The following NCAM1 variants were observed in gnomAD, a reference collection of about 807,000 sequenced individuals.
The protein encoded by NCAM1 is neural cell adhesion molecule 1, also known as antigen recognized by monoclonal antibody 5.1H11.
NCAM1 carries 14 observed loss-of-function variants against 109.8 expected under a neutral mutation model. That is an observed-to-expected ratio of 0.13 (90% confidence interval 0.08 to 0.20). The LOEUF is 0.20. Among genes scored for constraint, NCAM1 ranks in the 10% least tolerant of loss-of-function variants. The pLI is 1.00. For missense variants in NCAM1, 774 were observed against 1,109.9 expected (o/e 0.70, Z 4.30); for synonymous variants, 418 against 442.9 (o/e 0.94, Z 0.70).
intron 1 of NCAM1, among the ~76,000 whole-genome samples, chr11:113,052,647 G>A (rs1440031565): frequency 5.3e-5 from 8 of 152,126 alleles, no homozygotes; most frequent in African/African-American, 1.7e-4. Flanking sequence ...CTTTCTCCAA[G>A]TGTAAAAAAA....
At chr11:113,248,134 C>T (rs12794326) in intron 15 of NCAM1, among the ~76,000 whole-genome samples, 72,542 of 151,134 alleles carry the variant, frequency 0.48, 18,513 homozygotes, top group South Asian at 0.62. Flanking sequence ...CATTTTAAGC[C>T]AGGGCAAGAA....
intron 1 of NCAM1, among the ~76,000 whole-genome samples, chr11:113,159,766 T>G (rs1942537004): frequency 1.3e-5 from 2 of 151,994 alleles, no homozygotes; most frequent in South Asian, 2.1e-4. Flanking sequence ...GCAGGTTAGT[T>G]ACATATGTAT....
chr11:113,077,433 C>T (rs782719175), intron 1 of NCAM1, among the ~76,000 whole-genome samples: 3 of 152,164 alleles, frequency 2.0e-5, no homozygotes, highest in Admixed American at 6.5e-5. Flanking sequence ...TAACTGTATA[C>T]GCTTCTTCTC....
At chr11:113,212,985 G>C (rs1464875922) in intron 7 of NCAM1, among the ~76,000 whole-genome samples, 1 of 152,174 alleles carries the variant, frequency 6.6e-6, no homozygotes. Flanking sequence ...TGCTAAACAG[G>C]CTGTCAGTAT....
intron 1 of NCAM1, among the ~76,000 whole-genome samples, chr11:112,973,572 G>T (rs1020142791): frequency 3.3e-5 from 5 of 152,184 alleles, no homozygotes; most frequent in African/African-American, 1.2e-4. Flanking sequence ...TGCTTTTCAT[G>T]ACCTTGAGCC....
At chr11:113,182,776 G>A (rs903230718) in intron 1 of NCAM1, among the ~76,000 whole-genome samples, 12 of 152,202 alleles carry the variant, frequency 7.9e-5, no homozygotes, top group South Asian at 6.2e-4. Context: ...GGGGAGCGGG[G>A]CTGCAAGAGG....
Position 112,967,053 on chromosome 11 carries a change from A to G in NCAM1, c.52+5389A>G, listed in dbSNP as rs191260183. On this transcript the variant is annotated intron_variant, in intron 1 of 19. Coordinates refer to ENST00000316851, the MANE Select transcript of NCAM1 (RefSeq NM_181351.5). ...ACACTTTCTTGAATTCAAAGATTGCATGGCTGATATGATTTAAAAGGCTTC... is the reference window on the plus strand; with the variant it reads ...ACACTTTCTTGAATTCAAAGATTGCGTGGCTGATATGATTTAAAAGGCTTC... Among the ~76,000 whole-genome samples, 109 of 152,342 alleles carry G rather than the reference A, an allele frequency of 7.2e-4. 2 individuals carry two copies. The highest frequency in any genetic ancestry group is 2.6e-3 in the African/African-American group (106 of 41,568).
At chr11:113,018,023 T>C (rs1452811360) in intron 1 of NCAM1, among the ~76,000 whole-genome samples, 1 of 152,164 alleles carries the variant, frequency 6.6e-6, no homozygotes, top group African/African-American at 2.4e-5. Flanking sequence ...CCAACTGTAG[T>C]TGGAGTAAGT....
At chr11:113,093,689 C>T (rs1309417168) in intron 1 of NCAM1, among the ~76,000 whole-genome samples, 4 of 152,186 alleles carry the variant, frequency 2.6e-5, no homozygotes, top group Non-Finnish European at 5.9e-5. Flanking sequence ...TCAGTATCTA[C>T]CAACACAATC....
chr11:113,182,661 G>A (rs1033347256), intron 1 of NCAM1, among the ~76,000 whole-genome samples: 10 of 152,168 alleles, frequency 6.6e-5, no homozygotes, highest in Non-Finnish European at 4.4e-5. Context: ...AGTGGCAGCA[G>A]AATCCCCCCA....
chr11:113,118,222 C>T (rs1471706277), intron 1 of NCAM1, among the ~76,000 whole-genome samples: 1 of 151,578 alleles, frequency 6.6e-6, no homozygotes, highest in African/African-American at 2.4e-5. Context: ...TCTTTTTACT[C>T]TTTTGTGCTC....
intron 14 of NCAM1, chr11:113,246,052 G>A (rs1049474885): frequency 2.1e-5 from 9 of 433,000 alleles, no homozygotes; most frequent in Non-Finnish European, 2.9e-5. Context: ...TGTTGCAGCC[G>A]TAGCTAATGC....
intron 1 of NCAM1, among the ~76,000 whole-genome samples, chr11:113,037,558 A>G (rs1952932790): frequency 6.6e-6 from 1 of 152,160 alleles, no homozygotes; most frequent in Admixed American, 6.5e-5. Context: ...AGGGTCTGTT[A>G]TATAGGAGTT....
chr11:113,073,974 T>A (rs1182408825), intron 1 of NCAM1, among the ~76,000 whole-genome samples: 7 of 152,194 alleles, frequency 4.6e-5, no homozygotes, highest in Admixed American at 3.3e-4. Context: ...TGAGTGGGAG[T>A]TGATTTCTGC....
intron 16 of NCAM1, among the ~76,000 whole-genome samples, chr11:113,258,971 G>A (rs894952036): frequency 6.6e-6 from 1 of 151,990 alleles, no homozygotes; most frequent in Non-Finnish European, 1.5e-5. Context: ...CAGGCATGTT[G>A]TAGGAATACA....
chr11:113,163,638 C>T (rs1343817311), intron 1 of NCAM1, among the ~76,000 whole-genome samples: 5 of 152,122 alleles, frequency 3.3e-5, no homozygotes, highest in Admixed American at 2.6e-4. Flanking sequence ...GTGCCCTTTG[C>T]TGTCTGCCAA....
At chr11:113,080,732 T>G (rs1347161291) in intron 1 of NCAM1, among the ~76,000 whole-genome samples, 3 of 152,246 alleles carry the variant, frequency 2.0e-5, no homozygotes, top group African/African-American at 4.8e-5. Flanking sequence ...ATCGTACACA[T>G]GGAGCCATAC....
At chr11:113,068,456 G>T (rs191183991) in intron 1 of NCAM1, among the ~76,000 whole-genome samples, 2 of 152,286 alleles carry the variant, frequency 1.3e-5, no homozygotes, top group East Asian at 3.9e-4. Context: ...TGGCACCTGG[G>T]ATGTCCTTAG....
chr11:113,263,713 GCA>G (rs1271900209), intron 17 of NCAM1: 1 of 985,576 alleles, frequency 1.0e-6, no homozygotes, highest in African/African-American at 1.7e-5. Flanking sequence ...TCGCAGATCA[GCA>G]CAGAGTGGGG....
Sources: allele counts gnomAD v4.1 joint callset (sites outside exome capture counted in the v4.1 genomes callset), GRCh38; gene constraint gnomAD v4.1.1; transcripts MANE v1.5; gene names NCBI Gene and HGNC (gene_info 2026-07-23, HGNC 2026-07-21).